The following MROH9 variants were observed in gnomAD, a reference collection of about 807,000 sequenced individuals.
MROH9 encodes the protein maestro heat like repeat family member 9.
A neutral mutation model predicts 98.2 loss-of-function variants in MROH9; 92 were observed. The observed-to-expected ratio is 0.94, with a 90% confidence interval of 0.79 to 1.11. The LOEUF (loss-of-function observed/expected upper bound fraction) is 1.11, where lower values mean the gene tolerates loss of function less well. Among genes scored for constraint, MROH9 ranks in the 50% most tolerant of loss-of-function variants. The pLI is 0.00. For missense variants in MROH9, 1,057 were observed against 1,014.8 expected, an observed-to-expected ratio of 1.04 and a Z score of -0.57; for synonymous variants, 397 against 368.9, an observed-to-expected ratio of 1.08 and a Z score of -0.87.
At position 171,014,132 on chromosome 1, in the gene MROH9, T is replaced by G. The variant is rs765082584; in HGVS notation, c.1612T>G (p.Phe538Val). Residue 538 changes from phenylalanine to valine, a missense_variant, in exon 16 of 22, where the codon TTC (phenylalanine) becomes GTC (valine). By Grantham distance (50) the Phe-to-Val change is conservative. Coordinates refer to ENST00000367759, the MANE Select transcript of MROH9 (RefSeq NM_001163629.2). ...TTTCTTTCAGCTTCTGAATAACTTCTTCAAGGACCCTTTACCAGAAGAATT... is the reference window on the plus strand; with the variant it reads ...TTTCTTTCAGCTTCTGAATAACTTCGTCAAGGACCCTTTACCAGAAGAATT... ...IFLTELLNNF[F>V]KDPLPEEFLV... 3.4e-5 allele frequency: 53 copies of G among 1,550,798 alleles called. No individual in the cohort carries two copies. In the South Asian group the frequency reaches 5.8e-4, roughly 17 times the overall value.
rs776680834 is a variant in MROH9, at chr1:171,064,307, C to T, written c.2553C>T (p.Asp851=). 3 of 1,544,814 alleles carry T rather than the reference C, an allele frequency of 1.9e-6. No homozygotes were observed. The highest frequency in any genetic ancestry group is 2.6e-6 in the Non-Finnish European group (3 of 1,145,220). ...ATGGCCAGATAGACAGTCCTACAGA[C>T]AGTAAAGATGTCAAGAATGATAAGG... ...SPNGQIDSPT[D]SKDVKNDKAL The change falls in exon 22 of 22, where the codon GAC becomes GAT. Residue 851 remains aspartate (D), a synonymous_variant. Coordinates refer to ENST00000367759, the MANE Select transcript of MROH9 (RefSeq NM_001163629.2).
intron 1 of MROH9, among the ~76,000 whole-genome samples, chr1:170,941,751 A>G (rs563890379): frequency 6.6e-6 from 1 of 152,308 alleles, no homozygotes; most frequent in East Asian, 1.9e-4. Context: ...GAGCTCCTCA[A>G]GGATGGTGGG....
chr1:170,972,760 C>T (rs1421388561), intron 8 of MROH9, among the ~76,000 whole-genome samples: 29 of 148,634 alleles, frequency 2.0e-4, no homozygotes, highest in Admixed American at 5.4e-4. Context: ...TACAGTGAGC[C>T]GAGATCATGC....
Position 170,986,754 on chromosome 1 carries a change from C to G in MROH9, c.879+44C>G, listed in dbSNP as rs911003702. On this transcript the variant is annotated intron_variant, in intron 10 of 21. Transcript: ENST00000367759. ...AGCAGGAGAGCACAGGGTTTACTCT[C>G]TAATGTGCATTTTTGCCTGTGTTGT... 3.2e-6 allele frequency: 5 copies of G among 1,582,488 alleles called. No individual in the cohort carries two copies. The African/African-American group carries it at 6.8e-5, about 21-fold the overall frequency.
intron 20 of MROH9, among the ~76,000 whole-genome samples, chr1:171,052,408 T>G (rs1653698358): frequency 6.6e-6 from 1 of 152,132 alleles, no homozygotes; most frequent in African/African-American, 2.4e-5. Flanking sequence ...GATGTGCCTG[T>G]GTGTGGAGTA....
intron 20 of MROH9, among the ~76,000 whole-genome samples, chr1:171,052,833 T>A (rs1401762918): frequency 6.6e-6 from 1 of 152,064 alleles, no homozygotes; most frequent in Non-Finnish European, 1.5e-5. Context: ...AGTAGGTGCA[T>A]CAAATGCCTG....
At chr1:170,946,604 T>C (rs2101871679) in intron 2 of MROH9, among the ~76,000 whole-genome samples, 1 of 152,168 alleles carries the variant, frequency 6.6e-6, no homozygotes, top group East Asian at 1.9e-4. Flanking sequence ...AGGGAACTGG[T>C]TGAAGGATAC....
intron 3 of MROH9, among the ~76,000 whole-genome samples, chr1:170,958,011 G>A (rs1042810709): frequency 6.6e-6 from 1 of 151,844 alleles, no homozygotes; most frequent in Non-Finnish European, 1.5e-5. Flanking sequence ...GGGTTTCACC[G>A]TATTAGCCAG....
intron 19 of MROH9, 100 bp downstream of exon 19, chr1:171,024,865 G>A: frequency 1.4e-6 from 1 of 689,670 alleles, no homozygotes; most frequent in Admixed American, 3.0e-5. Flanking sequence ...AGTGGATCTT[G>A]GAGGAAAAAA....
chr1:170,995,663 TC>T, intron 13 of MROH9, 132 bp downstream of exon 13: 1 of 1,053,456 alleles, frequency 9.5e-7, no homozygotes, highest in East Asian at 2.6e-5. Context: ...CAGTTTTCTC[TC>T]CTCTGAATGG....
At chr1:170,974,570 T>G (rs550089048) in intron 8 of MROH9, among the ~76,000 whole-genome samples, 39 of 152,018 alleles carry the variant, frequency 2.6e-4, no homozygotes, top group Admixed American at 4.6e-4. Context: ...AGTAGAAATA[T>G]CTTTCAAAAT....
At chr1:171,031,445 C>G (rs1652909288) in intron 20 of MROH9, among the ~76,000 whole-genome samples, 1 of 152,068 alleles carries the variant, frequency 6.6e-6, no homozygotes, top group African/African-American at 2.4e-5. Context: ...ATGTTTAGCA[C>G]TTCTCTCAGG....
rs576532203 is a variant in MROH9, at chr1:170,947,698, G to GA, written c.72+132dup. ...AATACATGTGTTGGGGGAGAAAGGG[G>GA]AAAAAAAGGCAATTTGGTTAAAAAT... is the stretch of plus-strand genomic sequence containing the variant. On this transcript the variant is annotated intron_variant, in intron 3 of 21. Transcript: ENST00000367759. 36 of 810,694 alleles carry GA rather than the reference G, an allele frequency of 4.4e-5. No individual in the cohort carries two copies. In the African/African-American group the frequency reaches 5.4e-4, roughly 12 times the overall value. The allele number at this position is 810,694 out of a possible 1,614,324, so 50.2% of individuals were successfully genotyped here.
chr1:170,998,107 ATGG>A, intron 14 of MROH9, 44 bp from the exon 15 acceptor site: 1 of 1,396,816 alleles, frequency 7.2e-7, no homozygotes, highest in Non-Finnish European at 9.8e-7. Context: ...CACTATTAGC[ATGG>A]TGTTTTCTCC....
chr1:171,053,082 G>A lies in MROH9; in HGVS notation c.2282-9050G>A, dbSNP rs149943215. On this transcript the variant is annotated intron_variant, in intron 20 of 21. Coordinates refer to ENST00000367759, the MANE Select transcript of MROH9 (RefSeq NM_001163629.2). ...AAAGGCATCCTTGGCTGTAAAACTC[G>A]CTGCGGCTTCAACAATTCTCCTTCT... 1.7e-4 allele frequency among the ~76,000 whole-genome samples: 26 copies of A among 152,242 alleles called. 2 individuals carry two copies. Among genetic ancestry groups the A allele is most frequent in the African/African-American group, 5.1e-4 (21 of 41,538 alleles).
intron 9 of MROH9, 63 bp from the exon 10 acceptor site, chr1:170,986,498 G>C (rs1381985144): frequency 8.4e-6 from 13 of 1,539,712 alleles, no homozygotes; most frequent in Admixed American, 3.9e-5. Flanking sequence ...CCATGTCTGA[G>C]TTTAGCTGTC....
intron 3 of MROH9, among the ~76,000 whole-genome samples, chr1:170,953,947 T>C (rs1187670417): frequency 6.6e-6 from 1 of 151,878 alleles, no homozygotes; most frequent in Non-Finnish European, 1.5e-5. Context: ...CCAATTATTA[T>C]TTCAGCCATT....
At chr1:170,989,751 G>T (rs751841783) in intron 10 of MROH9, 104 bp from the exon 11 acceptor site, 1 of 1,036,352 alleles carries the variant, frequency 9.6e-7, no homozygotes, top group Non-Finnish European at 1.4e-6. Context: ...TTGCTGCTTT[G>T]GTAATTCTGA....
intron 1 of MROH9, among the ~76,000 whole-genome samples, chr1:170,940,639 C>G (rs1014663672): frequency 6.6e-6 from 1 of 152,220 alleles, no homozygotes; most frequent in Non-Finnish European, 1.5e-5. Flanking sequence ...ACACCTGGAA[C>G]AGCAACTGCA....
Sources: gnomAD v4.1 joint callset for allele counts (sites outside exome capture counted in the v4.1 genomes callset) on GRCh38, gnomAD v4.1.1 for gene constraint, MANE v1.5 for transcripts, NCBI Gene and HGNC (gene_info 2026-07-23, HGNC 2026-07-21) for gene names.